The following GPRC5B variants were observed in gnomAD, a reference collection of about 807,000 sequenced individuals.
GPRC5B encodes the protein G protein-coupled receptor family C group 5 member B.
In GPRC5B, 16 loss-of-function variants were observed where a neutral mutation model predicts 30.1. That is an observed-to-expected ratio of 0.53 (90% confidence interval 0.36 to 0.81). GPRC5B has a LOEUF of 0.81. Ranked by LOEUF, GPRC5B falls within the 30% of genes least tolerant of loss-of-function variation. The pLI, the probability that GPRC5B is intolerant of heterozygous loss-of-function variation, is 0.01. For missense variants in GPRC5B, 428 were observed against 544.7 expected (o/e 0.79, Z 2.13); for synonymous variants, 241 against 239.5 (o/e 1.01, Z -0.06).
chr16:19,869,333 C>CAAAAA (rs35252104), intron 2 of GPRC5B, among the ~76,000 whole-genome samples: 2 of 61,990 alleles, frequency 3.2e-5, no homozygotes, highest in African/African-American at 1.2e-4. Context: ...GACTCTGCCT[C>CAAAAA]AAAAAAAAAA....
At position 19,872,822 on chromosome 16, in the gene GPRC5B, C is replaced by A; in HGVS notation, c.24G>T (p.Lys8Asn). 1 of 1,612,972 alleles carries A rather than the reference C, an allele frequency of 6.2e-7. No individual in the cohort carries two copies. Among genetic ancestry groups the A allele is most frequent in the South Asian group, 1.1e-5 (1 of 91,058 alleles). ...AGGTGAGCACCTGGTGAGCTCTCATCTTTCTCTCTGATGCCACGAACATTC... is the reference window on the plus strand; with the variant it reads ...AGGTGAGCACCTGGTGAGCTCTCATATTTCTCTCTGATGCCACGAACATTC... MFVASER[K>N]MRAHQVLTFL... The change falls in exon 2 of 4, where the codon AAG (lysine) becomes AAT (asparagine). Residue 8 changes from lysine to asparagine, a missense_variant. By Grantham distance (94) the Lys-to-Asn change is moderately conservative. This residue lies in a region of GPRC5B where 196 missense variants were observed against 272.6 expected (regional missense o/e 0.72). Coordinates refer to ENST00000300571, the MANE Select transcript of GPRC5B (RefSeq NM_016235.3). This position sits in a 1 kb window ranked among gnomAD's most constrained non-coding sequence, Gnocchi z 5.0.
At chr16:19,877,332 T>C (rs1380136980) in intron 1 of GPRC5B, among the ~76,000 whole-genome samples, 1 of 152,216 alleles carries the variant, frequency 6.6e-6, no homozygotes, top group Non-Finnish European at 1.5e-5. Context: ...CTCCCACATC[T>C]TATGGCCCCC....
At position 19,872,363 on chromosome 16, in the gene GPRC5B, C is replaced by A. The variant is rs970835919; in HGVS notation, c.483G>T (p.Gln161His). Reference sequence around the variant, plus strand: ...TCAGGCACAGCGCCAGGCCCACCAGCTGCCAGCCCGCGGGGCCCGTGCCAT... The same window carrying A: ...TCAGGCACAGCGCCAGGCCCACCAGATGCCAGCCCGCGGGGCCCGTGCCAT... ...VRHGTGPAGW[Q>H]LVGLALCLML... The change falls in exon 2 of 4, where the codon CAG (glutamine) becomes CAT (histidine). Residue 161 changes from glutamine (Q) to histidine (H), a missense_variant. By Grantham distance (24) the Gln-to-His change is conservative (BLOSUM62 0). This residue lies in a region of GPRC5B where 196 missense variants were observed against 272.6 expected (regional missense o/e 0.72). Coordinates refer to ENST00000300571, the MANE Select transcript of GPRC5B (RefSeq NM_016235.3). This position sits in a 1 kb window ranked among gnomAD's most constrained non-coding sequence, Gnocchi z 5.0. 1 of 1,613,516 alleles carries A rather than the reference C, an allele frequency of 6.2e-7. No homozygotes were observed. The highest frequency in any genetic ancestry group is 1.7e-5 in the Admixed American group (1 of 59,978).
chr16:19,871,432 G>A (rs2056718606), intron 2 of GPRC5B, among the ~76,000 whole-genome samples: 2 of 151,788 alleles, frequency 1.3e-5, no homozygotes, highest in Admixed American at 1.3e-4. Flanking sequence ...GACCAAGCTG[G>A]CCAATATGGT....
In GPRC5B at chr16:19,872,227, C is replaced by T. The variant is rs547968579; in HGVS notation, c.619G>A (p.Asp207Asn). ...PMDFVMALIY[D>N]MVLLVVTLGL... ...AGGGTGACCACAAGCAGTACCATGT[C>T]GTAGATGAGGGCCATCACAAAGTCC... The change falls in exon 2 of 4, where the codon GAC (aspartate) becomes AAC (asparagine). Residue 207 changes from aspartate (D) to asparagine (N), a missense_variant. Asp to Asn is a conservative substitution (Grantham distance 23). Transcript: ENST00000300571. This position sits in a 1 kb window ranked among gnomAD's most constrained non-coding sequence, Gnocchi z 5.0. 1.5e-5 allele frequency: 24 copies of T among 1,614,174 alleles called. No homozygotes were observed. Among genetic ancestry groups the T allele is most frequent in the African/African-American group, 4.0e-5 (3 of 75,040 alleles).
At position 19,859,398 on chromosome 16, in the gene GPRC5B, C is replaced by T. The variant is rs1451785099; in HGVS notation, c.*1102G>A. On this transcript the variant is annotated 3_prime_UTR_variant, in exon 4 of 4. Transcript: ENST00000300571. ...AAAACAAAATATCCCCCACACCCTC[C>T]AAAAGCAACAAGAAACCCTCATGTG... The T allele has an allele frequency of 2.0e-5, 3 of 152,316 alleles. No individual in the cohort carries two copies. The highest frequency in any genetic ancestry group is 7.2e-5 in the African/African-American group (3 of 41,448). The allele number at this position is 152,316 out of a possible 1,614,324, so 9.4% of individuals were successfully genotyped here. A position where few individuals can be genotyped will look rare whatever the true frequency, so the allele number is the denominator to read the frequency against.
At chr16:19,885,139 C>A, upstream of GPRC5B, 3 of 1,146,260 alleles carry the variant, frequency 2.6e-6, no homozygotes, top group Non-Finnish European at 3.5e-6. The surrounding 1 kb of genome is among the most constrained non-coding windows in gnomAD (Gnocchi z 5.3). Context: ...GCAGTCCAGA[C>A]GAGCCGGGCA....
intron 1 of GPRC5B, among the ~76,000 whole-genome samples, chr16:19,875,254 G>A (rs2056751967): frequency 6.6e-6 from 1 of 152,174 alleles, no homozygotes; most frequent in South Asian, 2.1e-4. Context: ...CCAGCATTCC[G>A]CCCCAGCATC....
chr16:19,871,895 C>T lies in GPRC5B; in HGVS notation c.951G>A (p.Glu317=). The part of the protein sequence containing the change: ...YFDTSQPRMR[E]TAFEEDVQLP... Reference sequence around the variant, plus strand: ...GCTGCACGTCCTCCTCGAAGGCCGTCTCCCGCATCCTGGGCTGCGACGTGT... The same window carrying T: ...GCTGCACGTCCTCCTCGAAGGCCGTTTCCCGCATCCTGGGCTGCGACGTGT... The change falls in exon 2 of 4, where the codon GAG becomes GAA. Residue 317 remains glutamate (E), a synonymous_variant. Coordinates refer to ENST00000300571, the MANE Select transcript of GPRC5B (RefSeq NM_016235.3). 6.2e-7 allele frequency: 1 copy of T among 1,614,088 alleles called. No individual in the cohort carries two copies. Among genetic ancestry groups the T allele is most frequent in the South Asian group, 1.1e-5 (1 of 91,078 alleles).
At chr16:19,884,982 C>T (rs1012045401), upstream of GPRC5B, 1 of 687,562 alleles carries the variant, frequency 1.5e-6, no homozygotes, top group Non-Finnish European at 1.8e-6. Context: ...CCGGTCCCGC[C>T]GGCGGTTCCG....
chr16:19,873,869 C>G (rs1215045975), intron 1 of GPRC5B, among the ~76,000 whole-genome samples: 1 of 152,006 alleles, frequency 6.6e-6, no homozygotes, highest in Non-Finnish European at 1.5e-5. Flanking sequence ...GCCTCTGATT[C>G]CCCAGGTTCA....
At chr16:19,867,468 C>G (rs952621847) in intron 2 of GPRC5B, among the ~76,000 whole-genome samples, 2 of 152,148 alleles carry the variant, frequency 1.3e-5, no homozygotes, top group Non-Finnish European at 2.9e-5. Context: ...CCAGGAAGCC[C>G]CCAACAGAGG....
Position 19,860,398 on chromosome 16 carries a change from C to T in GPRC5B, c.*102G>A. 4.2e-6 allele frequency: 3 copies of T among 720,534 alleles called. No homozygotes were observed. The highest frequency in any genetic ancestry group is 7.3e-6 in the Non-Finnish European group (3 of 408,240). The allele number at this position is 720,534 out of a possible 1,614,324, so 44.6% of individuals were successfully genotyped here. On this transcript the variant is annotated 3_prime_UTR_variant, in exon 4 of 4. Transcript: ENST00000300571. ...ATTTCCAAATTTCCTGGCTGTGAGG[C>T]GGCCTGGTTCGGCAACTGTTACCGA...
rs66668499 is a variant in GPRC5B at position 19,874,859 on chromosome 16, CT to C, written c.-1-2014del. 7.5e-4 allele frequency: 107 copies of C among 141,762 alleles called. 1 individual carries two copies. Among genetic ancestry groups the C allele is most frequent in the Middle Eastern group, 3.7e-3 (1 of 268 alleles). The allele number at this position is 141,762 out of a possible 1,614,324, so 8.8% of individuals were successfully genotyped here. A position where few individuals can be genotyped will look rare whatever the true frequency, so the allele number is the denominator to read the frequency against. On this transcript the variant is annotated intron_variant, in intron 1 of 3. Coordinates refer to ENST00000300571, the MANE Select transcript of GPRC5B (RefSeq NM_016235.3). ...TACCTCACGGCTACCAGCTCCTTCC[CT>C]TTTTTTTTTTTTTTCTCTAACGGCC...
intron 1 of GPRC5B, chr16:19,882,080 T>TA (rs1310006264): frequency 6.6e-6 from 1 of 152,140 alleles, no homozygotes; most frequent in Non-Finnish European, 1.5e-5. Context: ...ATTAAACTGT[T>TA]ACAAGGTTTC....
chr16:19,863,491 CTTTTTT>C (rs10541805), intron 2 of GPRC5B, among the ~76,000 whole-genome samples: 12 of 82,270 alleles, frequency 1.5e-4, no homozygotes, highest in Admixed American at 3.0e-4. Context: ...AATCTGTGTT[CTTTTTT>C]TTTTTTTTTT....
In GPRC5B at chr16:19,861,087, T is replaced by TAAAAA. The variant is rs3067833; in HGVS notation, c.1168-548_1168-544dup. 2.6e-3 allele frequency among the ~76,000 whole-genome samples: 243 copies of TAAAAA among 93,344 alleles called. 9 individuals are homozygous for TAAAAA. The highest frequency in any genetic ancestry group is 4.9e-3 in the African/African-American group (101 of 20,484). The allele number at this position is 93,344 out of a possible 152,430, so 61.2% of individuals were successfully genotyped here. ...GATCAAAGACCATCCCTGATTTACA[T>TAAAAA]AAAAAAAAAAAAAAAAAGAAGAATG... On this transcript the variant is annotated intron_variant, in intron 3 of 3. Coordinates refer to ENST00000300571, the MANE Select transcript of GPRC5B (RefSeq NM_016235.3).
chr16:19,862,637 C>T (rs151097563), intron 2 of GPRC5B, among the ~76,000 whole-genome samples: 5 of 152,114 alleles, frequency 3.3e-5, no homozygotes, highest in African/African-American at 7.2e-5. Flanking sequence ...AGAAGCCGGG[C>T]GCAGTGGCTC....
Position 19,871,965 on chromosome 16 carries a change from C to G in GPRC5B, c.881G>C (p.Cys294Ser). 6.2e-7 allele frequency: 1 copy of G among 1,614,116 alleles called. No individual in the cohort carries two copies. Among genetic ancestry groups the G allele is most frequent in the Non-Finnish European group, 8.5e-7 (1 of 1,180,036 alleles). Residue 294 changes from cysteine (C) to serine (S), a missense_variant, in exon 2 of 4, where the codon TGC becomes TCC. Around this residue, in one of 3 missense-constraint regions of GPRC5B, gnomAD observed 213 missense variants for 229.1 expected, o/e 0.93. Transcript: ENST00000300571. ...CTCCTGCAGGGCTGGCAGAAGGGTG[C>G]AGTGGATCTCAGGGATGGCGTGGAA... ...VIFHAIPEIH[C>S]TLLPALQENT...
Sources: allele counts gnomAD v4.1 joint callset (sites outside exome capture counted in the v4.1 genomes callset), GRCh38; gene constraint gnomAD v4.1.1; regional missense constraint gnomAD v4.1.1; non-coding constraint Gnocchi (gnomAD v3.1); transcripts MANE v1.5; gene names NCBI Gene and HGNC (gene_info 2026-07-23, HGNC 2026-07-21).